Variants in EDC3 observed in about 807,000 individuals in gnomAD.
The protein encoded by EDC3 is enhancer of mRNA decapping 3.
EDC3 carries 20 observed loss-of-function variants against 41.8 expected under a neutral mutation model. The observed-to-expected ratio is 0.48, with a 90% CI of 0.34 to 0.70. The LOEUF is 0.70. EDC3 is among the 30% of genes least tolerant of loss of function. The probability of loss-of-function intolerance (pLI) is 0.01; values close to 1 mark genes in which losing one functional copy is unlikely to be tolerated. For missense variants in EDC3, 444 were observed against 636.8 expected, an observed-to-expected ratio of 0.70 and a Z score of 3.26; for synonymous variants, 206 against 243.2, an observed-to-expected ratio of 0.85 and a Z score of 1.42.
intron 5 of EDC3, chr15:74,635,956 C>A: frequency 9.5e-6 from 3 of 314,200 alleles, no homozygotes; most frequent in South Asian, 8.3e-5. Context: ...TGCTCTTCTT[C>A]CCCAACGTGT....
chr15:74,632,512 G>C lies in EDC3; in HGVS notation c.*100C>G. On this transcript the variant is annotated 3_prime_UTR_variant, in exon 7 of 7. Coordinates refer to ENST00000315127, the MANE Select transcript of EDC3 (RefSeq NM_025083.5). The surrounding 1 kb of genome is among the most constrained non-coding windows in gnomAD (Gnocchi z 4.0). ...TCTCACAGAAGAAACAAACCCAAAA[G>C]AGAAAAAACTTTAACAAGGTCCATG... The C allele has an allele frequency of 7.3e-7, 1 of 1,374,248 alleles. No individual in the cohort carries two copies. The highest frequency in any genetic ancestry group is 2.3e-5 in the East Asian group (1 of 43,186). 85.1% of individuals were successfully genotyped at this position (1,374,248 alleles called of 1,614,324 possible).
rs776787766 is a variant in EDC3 at position 74,655,793 on chromosome 15, C to T, written c.760G>A (p.Glu254Lys). The change falls in exon 4 of 7, where the codon GAG becomes AAG. Residue 254 changes from glutamate to lysine, a missense_variant. By Grantham distance (56) the Glu-to-Lys change is moderately conservative. This residue lies in a region of EDC3 where 242 missense variants were observed against 363.8 expected (regional missense o/e 0.67). Transcript: ENST00000315127. The part of the protein sequence containing the change: ...YRHDENILES[E>K]PIVYRRIIVP... ...ATGATCCGTCGATAGACAATGGGCTCGGACTCCAAGATGTTCTCATCATGG... is the reference window on the plus strand; with the variant it reads ...ATGATCCGTCGATAGACAATGGGCTTGGACTCCAAGATGTTCTCATCATGG... 16 of 1,614,016 alleles carry T rather than the reference C, an allele frequency of 9.9e-6. No individual in the cohort carries two copies. Among genetic ancestry groups the T allele is most frequent in the South Asian group, 2.2e-5 (2 of 91,084 alleles).
chr15:74,688,084 C>T (rs899692695), intron 1 of EDC3, among the ~76,000 whole-genome samples: 4 of 152,160 alleles, frequency 2.6e-5, no homozygotes, highest in African/African-American at 9.7e-5. Context: ...GAATGTGTAA[C>T]AAACTTCCCT....
intron 3 of EDC3, among the ~76,000 whole-genome samples, chr15:74,662,376 G>C (rs777263479): frequency 6.6e-6 from 1 of 151,372 alleles, no homozygotes; most frequent in East Asian, 1.9e-4. Flanking sequence ...CCAGTTCAGC[G>C]TAAGTACACA....
rs1290200164 is a variant in EDC3, at chr15:74,640,519, C to T, written c.921G>A (p.Met307Ile). 1.2e-6 allele frequency: 2 copies of T among 1,614,230 alleles called. No individual in the cohort carries two copies. Among genetic ancestry groups the T allele is most frequent in the Non-Finnish European group, 1.7e-6 (2 of 1,180,046 alleles). Residue 307 changes from methionine (M) to isoleucine (I), a missense_variant, in exon 5 of 7, where the codon ATG (methionine) becomes ATA (isoleucine). Met to Ile is a conservative substitution (Grantham distance 10). Transcript: ENST00000315127. ...CCATCTGACTGGCACACACACCTGT[C>T]ATCTCCAGTCTCCGCTCAAGGGTCA... is the stretch of plus-strand genomic sequence containing the variant. Reference protein sequence around the residue: ...HGLTLERRLEMTGVCASQMAL... With the variant: ...HGLTLERRLEITGVCASQMAL...
intron 4 of EDC3, chr15:74,644,792 G>A (rs13379550): frequency 6.6e-6 from 1 of 152,022 alleles, no homozygotes; most frequent in Non-Finnish European, 1.5e-5. Flanking sequence ...TGAACTTTAA[G>A]AGGCAAAGAA....
intron 1 of EDC3, among the ~76,000 whole-genome samples, chr15:74,694,602 G>A (rs1415889923): frequency 1.3e-5 from 2 of 152,210 alleles, no homozygotes; most frequent in Non-Finnish European, 2.9e-5. Context: ...CACAGTGCCC[G>A]GCCTTAATAT....
At chr15:74,693,471 C>G (rs1485789042) in intron 1 of EDC3, among the ~76,000 whole-genome samples, 1 of 152,194 alleles carries the variant, frequency 6.6e-6, no homozygotes, top group Non-Finnish European at 1.5e-5. Context: ...TTCTTTACTT[C>G]ACAAAGGCAC....
Position 74,672,138 on chromosome 15 carries a change from G to A in EDC3, c.165-364C>T, listed in dbSNP as rs943521330. ...AAAAAAATTAGCCGGGCATAGTGGC[G>A]GGCACCTGTAGTCCCAGCTACTTGG... is the stretch of plus-strand genomic sequence containing the variant. On this transcript the variant is annotated intron_variant, in intron 2 of 6. Coordinates refer to ENST00000315127, the MANE Select transcript of EDC3 (RefSeq NM_025083.5). Among the ~76,000 whole-genome samples the A allele has an allele frequency of 5.1e-4, 78 of 151,748 alleles. 1 individual carries two copies. The highest frequency in any genetic ancestry group is 1.8e-3 in the African/African-American group (73 of 41,396).
chr15:74,677,359 C>A (rs536787859), intron 1 of EDC3, among the ~76,000 whole-genome samples: 7 of 111,354 alleles, frequency 6.3e-5, no homozygotes, highest in Non-Finnish European at 1.1e-4. Flanking sequence ...CATGCCCAGC[C>A]TTTTTTTTTT....
intron 3 of EDC3, among the ~76,000 whole-genome samples, chr15:74,663,213 A>G (rs2062640429): frequency 6.6e-6 from 1 of 152,164 alleles, no homozygotes; most frequent in Non-Finnish European, 1.5e-5. Flanking sequence ...GCTTGAAGCC[A>G]GGAGGTGGAG....
intron 1 of EDC3, among the ~76,000 whole-genome samples, chr15:74,690,970 T>C (rs1223163455): frequency 6.6e-6 from 1 of 152,070 alleles, no homozygotes; most frequent in African/African-American, 2.4e-5. Context: ...CAAGGAGGGC[T>C]GACCGCTTGA....
rs1255290082 is a variant in EDC3, at chr15:74,668,766, A to AAAGAAAGAAAGAAAGAAAGAAAG, written c.484+2688_484+2689insCTTTCTTTCTTTCTTTCTTTCTT. On this transcript the variant is annotated intron_variant, in intron 3 of 6. Transcript: ENST00000315127. The stretch of plus-strand genomic sequence containing the variant: ...AGAAAGAAAGAAAGAAAGAAAGAAA[A>AAAGAAAGAAAGAAAGAAAGAAAG]AGGTTAAAGTCTAAATGGAAAGAAT... 1.9e-3 allele frequency among the ~76,000 whole-genome samples: 126 copies of AAAGAAAGAAAGAAAGAAAGAAAG among 66,048 alleles called. No homozygotes were observed. The Middle Eastern group carries it at 0.025, about 13-fold the overall frequency. The allele number at this position is 66,048 out of a possible 152,430, so 43.3% of individuals were successfully genotyped here.
At chr15:74,679,769 A>AC (rs1596329418) in intron 1 of EDC3, 1 of 149,714 alleles carries the variant, frequency 6.7e-6, no homozygotes, top group Non-Finnish European at 1.5e-5. Flanking sequence ...AAAAAAAAAA[A>AC]AAAAAAAAAA....
Position 74,671,401 on chromosome 15 carries a change from C to G in EDC3, c.484+54G>C. 6.4e-7 allele frequency: 1 copy of G among 1,561,056 alleles called. No individual in the cohort carries two copies. Among genetic ancestry groups the G allele is most frequent in the Non-Finnish European group, 8.7e-7 (1 of 1,146,344 alleles). ...GTTTAAAGAGCAGCAGTGCTTATGG[C>G]TTATAGCCCTGAAACACCAGATTGA... On this transcript the variant is annotated intron_variant, in intron 3 of 6. Coordinates refer to ENST00000315127, the MANE Select transcript of EDC3 (RefSeq NM_025083.5). The surrounding 1 kb of genome is among the most constrained non-coding windows in gnomAD (Gnocchi z 4.6).
intron 3 of EDC3, among the ~76,000 whole-genome samples, chr15:74,660,447 G>C (rs1483530720): frequency 6.6e-6 from 1 of 151,148 alleles, no homozygotes. Context: ...GTGTGTGTGT[G>C]TGTGTATATG....
rs557500344 is a variant in EDC3, at chr15:74,690,784, C to T, written c.-19+5096G>A. Among the ~76,000 whole-genome samples, 24 of 152,138 alleles carry T rather than the reference C, an allele frequency of 1.6e-4. No homozygotes were observed. In the South Asian group the frequency reaches 4.8e-3, roughly 30 times the overall value. On this transcript the variant is annotated intron_variant, in intron 1 of 6. Coordinates refer to ENST00000315127, the MANE Select transcript of EDC3 (RefSeq NM_025083.5). ...CAACATAGCAAGACTGTTTCCACCCCCACCCCGCCTCAGAAAAAGAAATCC... is the reference window on the plus strand; with the variant it reads ...CAACATAGCAAGACTGTTTCCACCCTCACCCCGCCTCAGAAAAAGAAATCC...
At chr15:74,685,422 T>C (rs1345533589) in intron 1 of EDC3, among the ~76,000 whole-genome samples, 2 of 150,990 alleles carry the variant, frequency 1.3e-5, no homozygotes, top group Non-Finnish European at 2.9e-5. Context: ...AGTATATAGA[T>C]AGATAGATAG....
intron 4 of EDC3, chr15:74,640,987 TG>T (rs1346419362): frequency 7.2e-5 from 18 of 249,132 alleles, no homozygotes; most frequent in Non-Finnish European, 1.3e-4. Context: ...TTTCCCAAAG[TG>T]GGGGAAATGC....
Sources: gnomAD v4.1 joint callset for allele counts (sites outside exome capture counted in the v4.1 genomes callset) on GRCh38, gnomAD v4.1.1 for gene constraint, gnomAD v4.1.1 regional missense constraint, Gnocchi (gnomAD v3.1) non-coding constraint, MANE v1.5 for transcripts, NCBI Gene and HGNC (gene_info 2026-07-23, HGNC 2026-07-21) for gene names.